DNAJC8: variants seen among roughly 807,000 people sequenced by gnomAD.
DNAJC8 encodes the protein dnaJ homolog subfamily C member 8.
DNAJC8 carries 24 observed loss-of-function variants against 43.2 expected under a neutral mutation model. The ratio of observed to expected loss-of-function variants is 0.56; its 90% CI spans 0.40 to 0.78. The LOEUF is 0.78. Ranked by LOEUF, DNAJC8 falls within the 30% of genes least tolerant of loss-of-function variation. The probability of loss-of-function intolerance (pLI) is 0.00; values close to 1 mark genes in which losing one functional copy is unlikely to be tolerated. For missense variants in DNAJC8, 207 were observed against 299.4 expected, an observed-to-expected ratio of 0.69 and a Z score of 2.28; for synonymous variants, 83 against 98.0, an observed-to-expected ratio of 0.85 and a Z score of 0.90.
chr1:28,227,791 G>A (rs1646947514), intron 2 of DNAJC8, among the ~76,000 whole-genome samples: 1 of 152,090 alleles, frequency 6.6e-6, no homozygotes, highest in African/African-American at 2.4e-5. Flanking sequence ...TTAAGTGTAT[G>A]ATGCTCCCTG....
rs1646816444 is a variant in DNAJC8, at chr1:28,212,173, ATAT to A, written c.238-1539_238-1537del. On this transcript the variant is annotated intron_variant, in intron 3 of 8. Coordinates refer to ENST00000263697, the MANE Select transcript of DNAJC8 (RefSeq NM_014280.3). ...TCCGTCTCAATAAATAAATAAATAT[ATAT>A]ATATATATATATATATATATATATA... Among the ~76,000 whole-genome samples, 724 of 79,294 alleles carry A rather than the reference ATAT, an allele frequency of 9.1e-3. 44 individuals carry two copies. The highest frequency in any genetic ancestry group is 0.011 in the Non-Finnish European group (462 of 41,926). The allele number at this position is 79,294 out of a possible 152,430, so 52.0% of individuals were successfully genotyped here. A position where few individuals can be genotyped will look rare whatever the true frequency, so the allele number is the denominator to read the frequency against.
intron 1 of DNAJC8, among the ~76,000 whole-genome samples, chr1:28,231,614 C>T (rs2149026263): frequency 6.6e-6 from 1 of 151,672 alleles, no homozygotes; most frequent in South Asian, 2.1e-4. Context: ...ACTCGGGAGG[C>T]TGAGGCGAGA....
intron 2 of DNAJC8, among the ~76,000 whole-genome samples, chr1:28,224,270 ACTT>A (rs1316459379): frequency 2.0e-5 from 3 of 151,880 alleles, no homozygotes; most frequent in Non-Finnish European, 2.9e-5. Context: ...ACCTCATGAC[ACTT>A]CTTTTTATTT....
chr1:28,201,990 T>C (rs1646736950), intron 8 of DNAJC8, among the ~76,000 whole-genome samples: 1 of 151,636 alleles, frequency 6.6e-6, no homozygotes, highest in South Asian at 2.1e-4. Context: ...CTCGGGAGGC[T>C]GAGGCAGGAG....
chr1:28,212,997 T>C (rs1368085835), intron 3 of DNAJC8, among the ~76,000 whole-genome samples: 1 of 152,218 alleles, frequency 6.6e-6, no homozygotes, highest in African/African-American at 2.4e-5. Flanking sequence ...TGAGGATACA[T>C]TATGTGCCAA....
At chr1:28,208,177 G>A (rs2149015945) in intron 6 of DNAJC8, among the ~76,000 whole-genome samples, 165 bp downstream of exon 6, 1 of 152,234 alleles carries the variant, frequency 6.6e-6, no homozygotes, top group Admixed American at 6.5e-5. Context: ...TTGCCCTCCA[G>A]CCTGGGCAAC....
intron 2 of DNAJC8, among the ~76,000 whole-genome samples, chr1:28,221,212 G>A (rs1348242363): frequency 5.9e-5 from 9 of 151,934 alleles, no homozygotes; most frequent in African/African-American, 1.7e-4. Context: ...GGTGGCGGGC[G>A]CCTGTAGTCC....
chr1:28,209,363 C>G (rs891700261), intron 5 of DNAJC8, among the ~76,000 whole-genome samples: 1 of 152,098 alleles, frequency 6.6e-6, no homozygotes, highest in African/African-American at 2.4e-5. Flanking sequence ...GATTCTTGCC[C>G]CAGCAAGTAA....
intron 2 of DNAJC8, among the ~76,000 whole-genome samples, chr1:28,215,687 G>A (rs1646847829): frequency 1.3e-5 from 2 of 151,792 alleles, no homozygotes; most frequent in African/African-American, 4.8e-5. Context: ...ACAGGCACGT[G>A]CCACCACACC....
chr1:28,213,418 G>A (rs77357654), intron 3 of DNAJC8, among the ~76,000 whole-genome samples: 1 of 151,844 alleles, frequency 6.6e-6, no homozygotes, highest in Admixed American at 6.6e-5. Context: ...AAGCTATAAA[G>A]TTATATAATG....
chr1:28,222,304 G>A (rs889237937), intron 2 of DNAJC8, among the ~76,000 whole-genome samples: 4 of 151,822 alleles, frequency 2.6e-5, no homozygotes, highest in African/African-American at 4.8e-5. Flanking sequence ...TGACTAACAT[G>A]GTGAAACCCC....
intron 7 of DNAJC8, 117 bp from the exon 8 acceptor site, chr1:28,203,939 T>A (rs981602652): frequency 8.1e-6 from 8 of 982,886 alleles, no homozygotes; most frequent in Non-Finnish European, 1.3e-5. Context: ...CCTAGAAGTC[T>A]ACAAAGATGG....
At chr1:28,225,737 C>G (rs1455664188) in intron 2 of DNAJC8, among the ~76,000 whole-genome samples, 1 of 135,042 alleles carries the variant, frequency 7.4e-6, no homozygotes, top group Admixed American at 7.7e-5. Flanking sequence ...CAGTCTCGTT[C>G]TGTCGCCCAG....
At chr1:28,225,981 G>T (rs2149023938) in intron 2 of DNAJC8, among the ~76,000 whole-genome samples, 1 of 151,000 alleles carries the variant, frequency 6.6e-6, no homozygotes, top group African/African-American at 2.4e-5. Context: ...TGAGATTACA[G>T]GCGTGAGCCA....
Position 28,201,100 on chromosome 1 carries a change from T to C in DNAJC8, c.*148A>G. On this transcript the variant is annotated 3_prime_UTR_variant, in exon 9 of 9. Transcript: ENST00000263697. ...ATTTCAATGTACAAAAGAATTACTC[T>C]GATCGATATTAAATCGTATTGAAAA... is the stretch of plus-strand genomic sequence containing the variant. 1 of 1,174,592 alleles carries C rather than the reference T, an allele frequency of 8.5e-7. No individual in the cohort carries two copies. The highest frequency in any genetic ancestry group is 1.2e-6 in the Non-Finnish European group (1 of 837,956). The allele number at this position is 1,174,592 out of a possible 1,614,324, so 72.8% of individuals were successfully genotyped here.
At chr1:28,202,235 T>G (rs949352059) in intron 8 of DNAJC8, among the ~76,000 whole-genome samples, 3 of 152,184 alleles carry the variant, frequency 2.0e-5, no homozygotes, top group African/African-American at 7.2e-5. Flanking sequence ...CCCCATTTGT[T>G]GGGGACCTCG....
At chr1:28,207,322 G>C (rs1164064384) in intron 6 of DNAJC8, among the ~76,000 whole-genome samples, 1 of 152,102 alleles carries the variant, frequency 6.6e-6, no homozygotes, top group Non-Finnish European at 1.5e-5. Flanking sequence ...AGGTTGCAGT[G>C]AGCTGAGATC....
chr1:28,201,488 C>T, intron 8 of DNAJC8, 118 bp from the exon 9 acceptor site: 1 of 1,480,810 alleles, frequency 6.8e-7, no homozygotes, highest in South Asian at 1.2e-5. Flanking sequence ...CTGGAATAAC[C>T]CAAGAGTAGA....
At chr1:28,221,110 C>A (rs1368862490) in intron 2 of DNAJC8, among the ~76,000 whole-genome samples, 3 of 151,908 alleles carry the variant, frequency 2.0e-5, no homozygotes, top group African/African-American at 7.2e-5. Context: ...GAGGCTGAGG[C>A]GGGTGGATCA....
Sources: allele counts gnomAD v4.1 joint callset (sites outside exome capture counted in the v4.1 genomes callset), GRCh38; gene constraint gnomAD v4.1.1; transcripts MANE v1.5; gene names NCBI Gene and HGNC (gene_info 2026-07-23, HGNC 2026-07-21).